Variants in MAD1L1 observed in about 807,000 individuals in gnomAD.
MAD1L1 encodes mitotic spindle assembly checkpoint protein MAD1.
In MAD1L1, 95 loss-of-function variants were observed where a neutral mutation model predicts 96.9. The observed-to-expected ratio is 0.98, with a 90% CI of 0.83 to 1.16. The LOEUF (loss-of-function observed/expected upper bound fraction) is 1.16. MAD1L1 is among the 50% of genes most tolerant of loss of function. MAD1L1 has a pLI of 0.00. For synonymous variants in MAD1L1, 473 were observed against 396.6 expected (o/e 1.19, Z -2.29); for missense variants, 1,007 against 954.4 (o/e 1.06, Z -0.73).
chr7:1,838,010 C>T (rs1051861857), intron 18 of MAD1L1, among the ~76,000 whole-genome samples: 2 of 152,234 alleles, frequency 1.3e-5, no homozygotes, highest in Non-Finnish European at 2.9e-5. Flanking sequence ...CCAGACAAAA[C>T]TGCTCCCTCT....
At chr7:1,925,629 C>T (rs1267888605) in intron 17 of MAD1L1, among the ~76,000 whole-genome samples, 1 of 152,214 alleles carries the variant, frequency 6.6e-6, no homozygotes, top group African/African-American at 2.4e-5. Flanking sequence ...GGCCCCACCT[C>T]CCAACACCAT....
At chr7:2,137,983 G>A (rs1788835076) in intron 11 of MAD1L1, among the ~76,000 whole-genome samples, 1 of 152,244 alleles carries the variant, frequency 6.6e-6, no homozygotes, top group African/African-American at 2.4e-5. Flanking sequence ...ACACGACACA[G>A]GCCATGATGG....
At chr7:1,922,912 G>A (rs1446115042) in intron 17 of MAD1L1, among the ~76,000 whole-genome samples, 5 of 152,220 alleles carry the variant, frequency 3.3e-5, no homozygotes, top group Admixed American at 6.5e-5. Context: ...GCGATGGATT[G>A]TACCAGCTGA....
At chr7:1,929,248 C>T (rs1347119275) in intron 17 of MAD1L1, among the ~76,000 whole-genome samples, 2 of 152,178 alleles carry the variant, frequency 1.3e-5, no homozygotes, top group Non-Finnish European at 2.9e-5. Flanking sequence ...CCTCCCCCTG[C>T]CTCCCTCCTC....
intron 18 of MAD1L1, among the ~76,000 whole-genome samples, chr7:1,821,851 C>T (rs1323891823): frequency 6.6e-6 from 1 of 152,194 alleles, no homozygotes; most frequent in Non-Finnish European, 1.5e-5. Flanking sequence ...GGCCGCCTTC[C>T]CTCATTCGGT....
chr7:1,871,745 C>G (rs111357851), intron 18 of MAD1L1, among the ~76,000 whole-genome samples: 53,623 of 149,776 alleles, frequency 0.36, 9,659 homozygotes, highest in East Asian at 0.46. Flanking sequence ...ACCCAACATA[C>G]GCCTGCCACG....
chr7:2,129,684 G>A (rs552237702), intron 11 of MAD1L1, among the ~76,000 whole-genome samples: 10 of 152,328 alleles, frequency 6.6e-5, no homozygotes, highest in South Asian at 2.1e-4. Flanking sequence ...AGCTGGACAC[G>A]CAGGCTCGAG....
intron 17 of MAD1L1, among the ~76,000 whole-genome samples, chr7:1,909,731 C>T (rs765816205): frequency 9.2e-5 from 14 of 152,342 alleles, no homozygotes; most frequent in Admixed American, 1.3e-4. Flanking sequence ...GAGGATGGGA[C>T]GCCACCACCT....
At chr7:2,039,675 C>A (rs1195996211) in intron 12 of MAD1L1, among the ~76,000 whole-genome samples, 2 of 152,140 alleles carry the variant, frequency 1.3e-5, no homozygotes, top group Non-Finnish European at 2.9e-5. Context: ...CTGTCTATAT[C>A]TTTTGCTTGT....
intron 3 of MAD1L1, among the ~76,000 whole-genome samples, chr7:2,227,133 A>C (rs1005340789): frequency 1.3e-5 from 2 of 151,884 alleles, no homozygotes; most frequent in African/African-American, 4.8e-5. Context: ...GTCTCTACTC[A>C]AAACTATGAA....
intron 12 of MAD1L1, among the ~76,000 whole-genome samples, chr7:2,063,450 T>C (rs1436868157): frequency 6.6e-6 from 1 of 152,226 alleles, no homozygotes. Flanking sequence ...TGTCTGTGGC[T>C]GGGACAGGCA....
intron 16 of MAD1L1, among the ~76,000 whole-genome samples, chr7:1,943,787 G>A (rs566933047): frequency 2.6e-5 from 4 of 151,810 alleles, no homozygotes; most frequent in Non-Finnish European, 5.9e-5. Context: ...TGAATGTTCA[G>A]GGCAGCTGTG....
chr7:1,856,759 C>T (rs1003867358), intron 18 of MAD1L1, among the ~76,000 whole-genome samples: 7 of 152,274 alleles, frequency 4.6e-5, no homozygotes, highest in Admixed American at 6.5e-5. Context: ...GCGCACCCCG[C>T]GTGCCTCCAC....
At chr7:2,117,875 C>A (rs1584365097) in intron 11 of MAD1L1, among the ~76,000 whole-genome samples, 1 of 152,112 alleles carries the variant, frequency 6.6e-6, no homozygotes, top group African/African-American at 2.4e-5. Flanking sequence ...ATCCACAGGG[C>A]CCCACTGGCC....
At chr7:2,160,618 C>T (rs1199959303) in intron 10 of MAD1L1, among the ~76,000 whole-genome samples, 1 of 151,862 alleles carries the variant, frequency 6.6e-6, no homozygotes, top group Non-Finnish European at 1.5e-5. Flanking sequence ...CAGGCGTGAG[C>T]CACCGCCCCC....
At position 1,898,437 on chromosome 7, in the gene MAD1L1, G is replaced by GGGGTGGGGACCCGGGAGCGGCCA; in HGVS notation, c.1808-70_1808-48dup. The GGGGTGGGGACCCGGGAGCGGCCA allele has an allele frequency of 1.9e-6, 3 of 1,572,886 alleles. No individual in the cohort carries two copies. In the South Asian group the frequency reaches 3.4e-5, roughly 18 times the overall value. On this transcript the variant is annotated intron_variant, in intron 17 of 18. Coordinates refer to ENST00000265854, the MANE Select transcript of MAD1L1 (RefSeq NM_001013836.2). Reference sequence around the variant, plus strand: ...ACAGTGAGTGCGGCACCAGGCCGGAGGGGTGGGGACCCGGGAGCGGCCAGG... The same window carrying GGGGTGGGGACCCGGGAGCGGCCA: ...ACAGTGAGTGCGGCACCAGGCCGGAGGGGTGGGGACCCGGGAGCGGCCAGGGTGGGGACCCGGGAGCGGCCAGG...
At chr7:2,001,852 G>A (rs1211427336) in intron 14 of MAD1L1, among the ~76,000 whole-genome samples, 1 of 152,210 alleles carries the variant, frequency 6.6e-6, no homozygotes, top group Non-Finnish European at 1.5e-5. Context: ...GGGCCCGAGG[G>A]GCTGTGCTCC....
intron 10 of MAD1L1, among the ~76,000 whole-genome samples, chr7:2,174,728 T>C (rs1161109502): frequency 6.6e-6 from 1 of 152,220 alleles, no homozygotes; most frequent in Non-Finnish European, 1.5e-5. Flanking sequence ...CCAGAGGACA[T>C]TTTTCTTGTT....
chr7:2,024,143 T>A (rs923602144), intron 12 of MAD1L1, among the ~76,000 whole-genome samples: 6 of 151,272 alleles, frequency 4.0e-5, no homozygotes, highest in Non-Finnish European at 5.9e-5. Flanking sequence ...AGACACAAAT[T>A]ACTAACATCA....
Sources: gnomAD v4.1 joint callset for allele counts (sites outside exome capture counted in the v4.1 genomes callset) on GRCh38, gnomAD v4.1.1 for gene constraint, MANE v1.5 for transcripts, NCBI Gene and HGNC (gene_info 2026-07-23, HGNC 2026-07-21) for gene names.